PALM2AKAP2: variants seen among roughly 807,000 people sequenced by gnomAD.
The protein encoded by PALM2AKAP2 is PALM2-AKAP2 fusion protein.
A neutral mutation model predicts 71.5 loss-of-function variants in PALM2AKAP2; 37 were observed. The observed-to-expected ratio is 0.52, with a 90% confidence interval of 0.40 to 0.68. The LOEUF is 0.68. Ranked by LOEUF, PALM2AKAP2 falls within the 30% of genes least tolerant of loss-of-function variation. The probability of loss-of-function intolerance (pLI) is 0.00; values close to 1 mark genes in which losing one functional copy is unlikely to be tolerated. For synonymous variants in PALM2AKAP2, 468 were observed against 478.8 expected (o/e 0.98, Z 0.29); for missense variants, 1,224 against 1,191.8 (o/e 1.03, Z -0.40).
rs1016335503 is a variant in PALM2AKAP2 at position 110,096,683 on chromosome 9, G to A, written c.157-39444G>A. 3.3e-5 allele frequency among the ~76,000 whole-genome samples: 5 copies of A among 151,848 alleles called. No homozygotes were observed. In the East Asian group the frequency reaches 7.7e-4, roughly 23 times the overall value. On this transcript the variant is annotated intron_variant, in intron 1 of 3. Coordinates refer to ENST00000374525, the Ensembl canonical transcript of PALM2AKAP2. ...TCTGTTGTGATTCCACTGTGTGTAA[G>A]ATGTGTCCAAAATGAGGAGATGCAT...
chr9:109,715,825 C>G (rs1009186581), intron 1 of PALM2AKAP2, among the ~76,000 whole-genome samples: 1 of 152,196 alleles, frequency 6.6e-6, no homozygotes, highest in African/African-American at 2.4e-5. Flanking sequence ...ATTTCTTCTT[C>G]TTCTTTCTTT....
At chr9:109,862,167 GT>G (rs1829327552) in intron 1 of PALM2AKAP2, among the ~76,000 whole-genome samples, 1 of 152,084 alleles carries the variant, frequency 6.6e-6, no homozygotes, top group African/African-American at 2.4e-5. Flanking sequence ...AAAGGAGGGA[GT>G]GATGCAATCT....
At chr9:109,800,670 T>C (rs540343997) in intron 1 of PALM2AKAP2, among the ~76,000 whole-genome samples, 3 of 152,384 alleles carry the variant, frequency 2.0e-5, no homozygotes, top group African/African-American at 4.8e-5. Flanking sequence ...AAGTAGCGTC[T>C]ACCTGTCATC....
chr9:109,943,521 G>T, intron 6 of PALM2AKAP2: 1 of 1,462,920 alleles, frequency 6.8e-7, no homozygotes, highest in Non-Finnish European at 9.1e-7. Flanking sequence ...TGAACTGGAA[G>T]CAAACACCTG....
At chr9:110,014,845 T>TACACACAC (rs1832951858) in intron 6 of PALM2AKAP2, among the ~76,000 whole-genome samples, 6 of 94,766 alleles carry the variant, frequency 6.3e-5, no homozygotes, top group African/African-American at 2.2e-4. Context: ...TATATATATA[T>TACACACAC]ATATATACAC....
upstream of PALM2AKAP2, among the ~76,000 whole-genome samples, chr9:109,776,450 G>T (rs546512697): frequency 6.6e-6 from 1 of 152,156 alleles, no homozygotes; most frequent in African/African-American, 2.4e-5. Context: ...GAGATGGAAC[G>T]TCCAAAGAAG....
chr9:109,954,637 A>G (rs1314294558), intron 6 of PALM2AKAP2, among the ~76,000 whole-genome samples: 1 of 138,050 alleles, frequency 7.2e-6, no homozygotes, highest in East Asian at 2.1e-4. Context: ...GTGCACATGT[A>G]CCCTAAAACT....
At chr9:109,672,758 G>C (rs551938742) in intron 1 of PALM2AKAP2, among the ~76,000 whole-genome samples, 1 of 151,976 alleles carries the variant, frequency 6.6e-6, no homozygotes, top group Admixed American at 6.6e-5. Flanking sequence ...TTGGTAGGCT[G>C]TTTATTACTG....
At chr9:110,162,678 A>C (rs186582479) in intron 3 of PALM2AKAP2, among the ~76,000 whole-genome samples, 60 of 152,266 alleles carry the variant, frequency 3.9e-4, no homozygotes, top group Admixed American at 2.2e-3. Flanking sequence ...TTTTTATTTT[A>C]GAAACTCTAA....
chr9:109,645,221 C>A (rs886245446), intron 1 of PALM2AKAP2, among the ~76,000 whole-genome samples: 7 of 152,308 alleles, frequency 4.6e-5, no homozygotes, highest in African/African-American at 1.7e-4. Context: ...AGGAGCAAGT[C>A]ACATCTTATG....
rs535934577 is a variant in PALM2AKAP2, at chr9:109,858,774, G to T, written c.46-8717G>T. The stretch of plus-strand genomic sequence containing the variant: ...TTATCAATGTGGTGTCATAAAGCGG[G>T]TCTTACTTTCTCATCAGAGCCCATA... On this transcript the variant is annotated intron_variant, in intron 1 of 9. Coordinates refer to the PALM2AKAP2 transcript ENST00000302798. Among the ~76,000 whole-genome samples the T allele has an allele frequency of 3.9e-5, 6 of 152,190 alleles. No individual in the cohort carries two copies. In the East Asian group the frequency reaches 1.2e-3, roughly 29 times the overall value.
chr9:109,879,103 A>C (rs1829783784), intron 2 of PALM2AKAP2, among the ~76,000 whole-genome samples: 1 of 152,202 alleles, frequency 6.6e-6, no homozygotes, highest in South Asian at 2.1e-4. Context: ...CATACAAATG[A>C]GAGTCTATGG....
At chr9:109,736,618 G>A (rs1434866874) in intron 1 of PALM2AKAP2, among the ~76,000 whole-genome samples, 1 of 151,674 alleles carries the variant, frequency 6.6e-6, no homozygotes, top group Middle Eastern at 3.2e-3. Context: ...AAGTTTTTAT[G>A]TATTTAGGGG....
rs574495126 is a variant in PALM2AKAP2, at chr9:109,791,302, T to C, written c.45+10769T>C. ...AGACAAGAGGAGGCAAAGTTGAAAG[T>C]AATGTAAACTGCTTAATCACCTGCC... On this transcript the variant is annotated intron_variant, in intron 1 of 9. Transcript: ENST00000302798. Among the ~76,000 whole-genome samples, 5 of 152,362 alleles carry C rather than the reference T, an allele frequency of 3.3e-5. No homozygotes were observed. The East Asian group carries it at 7.7e-4, about 24-fold the overall frequency.
chr9:110,125,516 T>C (rs1231383967), intron 1 of PALM2AKAP2: 2 of 985,468 alleles, frequency 2.0e-6, no homozygotes, highest in African/African-American at 3.5e-5. Context: ...TTTGTCCAGC[T>C]TGAGCCAGGG....
chr9:110,038,701 G>A (rs1833459440), intron 7 of PALM2AKAP2, among the ~76,000 whole-genome samples: 3 of 152,038 alleles, frequency 2.0e-5, no homozygotes, highest in African/African-American at 7.3e-5. Context: ...GACTTTGGGA[G>A]GCTGAGGTGG....
chr9:109,819,117 C>A (rs1039534450), intron 1 of PALM2AKAP2, among the ~76,000 whole-genome samples: 1 of 152,170 alleles, frequency 6.6e-6, no homozygotes, highest in Non-Finnish European at 1.5e-5. Context: ...CTCCTTCCCC[C>A]ACAGGTGAAA....
rs541395496 is a variant in PALM2AKAP2, at chr9:109,830,401, C to G, written c.46-37090C>G. ...AGCAGGGGCGGGAGAGGTTCTGGTC[C>G]GTTCATCAAACCAGGGGCTGGTGTT... On this transcript the variant is annotated intron_variant, in intron 1 of 9. Coordinates refer to the PALM2AKAP2 transcript ENST00000302798. Among the ~76,000 whole-genome samples, 102 of 152,164 alleles carry G rather than the reference C, an allele frequency of 6.7e-4. 2 individuals carry two copies. In the South Asian group the frequency reaches 0.02, roughly 30 times the overall value.
chr9:110,135,368 A>G (rs1835839815), intron 1 of PALM2AKAP2, among the ~76,000 whole-genome samples: 3 of 119,698 alleles, frequency 2.5e-5, no homozygotes, highest in Non-Finnish European at 5.4e-5. Context: ...AAAAAAAAAA[A>G]GAAAAATATG....
Sources: allele counts gnomAD v4.1 joint callset (sites outside exome capture counted in the v4.1 genomes callset), GRCh38; gene constraint gnomAD v4.1.1; transcripts MANE v1.5; gene names NCBI Gene and HGNC (gene_info 2026-07-23, HGNC 2026-07-21).